Variants in FANCC observed in about 807,000 individuals in gnomAD.
FANCC encodes the protein FA complementation group C, also known as Fanconi anemia group C protein.
A neutral mutation model predicts 71.3 loss-of-function variants in FANCC; 55 were observed. That is an observed-to-expected ratio of 0.77 (90% CI 0.62 to 0.97). FANCC has a LOEUF of 0.97. FANCC is among the 50% of genes least tolerant of loss of function. The pLI, the probability that FANCC is intolerant of heterozygous loss-of-function variation, is 0.00. For synonymous variants in FANCC, 275 were observed against 244.9 expected (o/e 1.12, Z -1.15); for missense variants, 678 against 670.9 (o/e 1.01, Z -0.12).
rs1453628438 is a variant in FANCC at position 95,126,861 on chromosome 9, A to C, written c.844-280T>G. ...CTCAGGCGATCCATAATACAGAATC[A>C]GTAAGTATTAGAGAAACTTTAAACA... On this transcript the variant is annotated intron_variant, in intron 8 of 14. Coordinates refer to ENST00000289081, the MANE Select transcript of FANCC (RefSeq NM_000136.3). The C allele has an allele frequency of 9.5e-6, 4 of 421,242 alleles. No individual in the cohort carries two copies. In the East Asian group the frequency reaches 1.8e-4, roughly 19 times the overall value. The allele number at this position is 421,242 out of a possible 1,614,324, so 26.1% of individuals were successfully genotyped here. A position where few individuals can be genotyped will look rare whatever the true frequency, so the allele number is the denominator to read the frequency against.
At chr9:95,111,173 T>TA (rs1200709139) in intron 13 of FANCC, 6 of 1,535,686 alleles carry the variant, frequency 3.9e-6, no homozygotes, top group Non-Finnish European at 5.2e-6. Flanking sequence ...CTGGGGCAGA[T>TA]ATGGCAGCTG....
At chr9:95,152,022 CATT>C (rs1390011486) in intron 6 of FANCC, among the ~76,000 whole-genome samples, 1 of 151,820 alleles carries the variant, frequency 6.6e-6, no homozygotes, top group East Asian at 1.9e-4. Context: ...CCAATTATAT[CATT>C]ATTTGTTTCT....
chr9:95,220,353 C>G (rs1196551111), intron 4 of FANCC, among the ~76,000 whole-genome samples: 1 of 152,220 alleles, frequency 6.6e-6, no homozygotes, highest in Non-Finnish European at 1.5e-5. Flanking sequence ...TTTGACCTAG[C>G]CATCCCATTA....
chr9:95,107,114 C>G lies in FANCC; in HGVS notation c.1485G>C (p.Leu495=), dbSNP rs56082100. The change falls in exon 14 of 15, where the codon CTG becomes CTC. Residue 495 remains leucine, a synonymous_variant. Transcript: ENST00000289081. ...TCGTGTGGCCTCCAGGAGCCCAGAGCAGGAAGTTGAGGAGAAGGTGCCTGA... is the reference window on the plus strand; with the variant it reads ...TCGTGTGGCCTCCAGGAGCCCAGAGGAGGAAGTTGAGGAGAAGGTGCCTGA... The part of the protein sequence containing the change: ...QLIRHLLLNF[L]LWAPGGHTIA... 13 of 1,614,040 alleles carry G rather than the reference C, an allele frequency of 8.1e-6. No individual in the cohort carries two copies. In the African/African-American group the frequency reaches 1.5e-4, roughly 18 times the overall value.
intron 6 of FANCC, among the ~76,000 whole-genome samples, chr9:95,151,927 C>CAA (rs548345082): frequency 1.0e-4 from 10 of 98,516 alleles, no homozygotes; most frequent in African/African-American, 3.3e-4. Flanking sequence ...AGACCTGTCT[C>CAA]AAAAAAAAAA....
rs1834149451 is a variant in FANCC at position 95,293,015 on chromosome 9, A to C, written c.-79+24511T>G. On this transcript the variant is annotated intron_variant, in intron 1 of 14. Coordinates refer to ENST00000289081, the MANE Select transcript of FANCC (RefSeq NM_000136.3). ...AACACAGGGACCCACCTAGTAAGAA[A>C]AGGAAAATGGAAAACTGTGCAAAAC... The C allele has an allele frequency of 1.1e-5, 18 of 1,587,278 alleles. No individual in the cohort carries two copies. In the South Asian group the frequency reaches 1.9e-4, roughly 17 times the overall value.
chr9:95,266,820 G>C (rs1007203442), intron 1 of FANCC, among the ~76,000 whole-genome samples: 1 of 152,126 alleles, frequency 6.6e-6, no homozygotes, highest in Non-Finnish European at 1.5e-5. Context: ...CATAGGAAGC[G>C]TTCTTGTGGT....
At chr9:95,198,798 C>T (rs149725921) in intron 4 of FANCC, among the ~76,000 whole-genome samples, 4 of 152,200 alleles carry the variant, frequency 2.6e-5, no homozygotes, top group Admixed American at 6.5e-5. Context: ...AGTGCAGTGG[C>T]GCCATTACAG....
At chr9:95,201,934 T>G (rs1409682490) in intron 4 of FANCC, among the ~76,000 whole-genome samples, 1 of 152,206 alleles carries the variant, frequency 6.6e-6, no homozygotes, top group African/African-American at 2.4e-5. Flanking sequence ...TTGCATTACT[T>G]TCTATAAGAT....
intron 1 of FANCC, among the ~76,000 whole-genome samples, chr9:95,290,275 T>G (rs1017633670): frequency 4.6e-5 from 7 of 152,200 alleles, no homozygotes; most frequent in Non-Finnish European, 8.8e-5. Context: ...TACTTCTGTC[T>G]GGGATCATAT....
At chr9:95,125,901 C>A (rs1043358529) in intron 9 of FANCC, among the ~76,000 whole-genome samples, 5 of 152,200 alleles carry the variant, frequency 3.3e-5, no homozygotes, top group African/African-American at 1.2e-4. Context: ...AGTCTTAGTA[C>A]TCCATGGTTA....
At chr9:95,271,266 A>G (rs1488371423) in intron 1 of FANCC, among the ~76,000 whole-genome samples, 1 of 152,224 alleles carries the variant, frequency 6.6e-6, no homozygotes, top group East Asian at 1.9e-4. Context: ...ACCTGTGAAT[A>G]TTACTTTACA....
chr9:95,194,964 C>A (rs2135761852), intron 4 of FANCC, among the ~76,000 whole-genome samples: 1 of 152,202 alleles, frequency 6.6e-6, no homozygotes, highest in Admixed American at 6.5e-5. Context: ...CTTTGGGAGG[C>A]TGAGGCAGAC....
chr9:95,282,304 AAAG>A (rs1383307453), intron 1 of FANCC, among the ~76,000 whole-genome samples: 1 of 152,170 alleles, frequency 6.6e-6, no homozygotes, highest in Non-Finnish European at 1.5e-5. Flanking sequence ...AAATAGAGAC[AAAG>A]AAGGTCATTA....
intron 4 of FANCC, among the ~76,000 whole-genome samples, chr9:95,203,377 TC>T (rs1827917809): frequency 2.2e-4 from 1 of 4,486 alleles, no homozygotes. Context: ...AGACCCTGTC[TC>T]AAAAAAAAAA....
chr9:95,314,004 TC>T (rs983286985), intron 1 of FANCC, among the ~76,000 whole-genome samples: 3 of 152,100 alleles, frequency 2.0e-5, no homozygotes, highest in African/African-American at 7.2e-5. Flanking sequence ...TTAAATGTTT[TC>T]CCCCTAAGAT....
chr9:95,252,176 G>A (rs1831370122), intron 1 of FANCC, among the ~76,000 whole-genome samples: 1 of 150,984 alleles, frequency 6.6e-6, no homozygotes, highest in South Asian at 2.1e-4. Flanking sequence ...CTACTTGGGA[G>A]GCAGAGGCAG....
chr9:95,130,709 TGTTCTCTCCACA>T (rs1233658158), intron 8 of FANCC, among the ~76,000 whole-genome samples: 2 of 152,344 alleles, frequency 1.3e-5, no homozygotes, highest in Admixed American at 1.3e-4. Flanking sequence ...TCCGAGCCAC[TGTTCTCTCCACA>T]GTGGGAAGCC....
intron 1 of FANCC, among the ~76,000 whole-genome samples, chr9:95,269,512 G>A (rs774647988): frequency 4.6e-5 from 7 of 152,236 alleles, no homozygotes; most frequent in Non-Finnish European, 8.8e-5. Context: ...TGTAAGGAAA[G>A]ATGATTTATG....
Sources: gnomAD v4.1 joint callset for allele counts (sites outside exome capture counted in the v4.1 genomes callset) on GRCh38, gnomAD v4.1.1 for gene constraint, MANE v1.5 for transcripts, NCBI Gene and HGNC (gene_info 2026-07-23, HGNC 2026-07-21) for gene names.